Variants in ACTR3C observed in about 807,000 individuals in gnomAD.
ACTR3C encodes the protein actin related protein 3C, also known as actin-related protein 3C.
Under a neutral mutation model 26.3 loss-of-function variants are expected in ACTR3C, and 18 were observed. That is an observed-to-expected ratio of 0.68 (90% CI 0.47 to 1.01). The LOEUF (loss-of-function observed/expected upper bound fraction) is 1.01. ACTR3C is among the 50% of genes least tolerant of loss of function. The probability of loss-of-function intolerance (pLI) is 0.00; values close to 1 mark genes in which losing one functional copy is unlikely to be tolerated. For missense variants in ACTR3C, 184 were observed against 250.7 expected (o/e 0.73, Z 1.80); for synonymous variants, 55 against 94.5 (o/e 0.58, Z 2.42).
the ACTR3C span, among the ~76,000 whole-genome samples, chr7:150,094,621 T>C: frequency 6.6e-6 from 1 of 150,398 alleles, no homozygotes; most frequent in Non-Finnish European, 1.5e-5. Context: ...GAGGTTTGGG[T>C]TCCTCCAGCC....
At chr7:149,943,180 G>C in the ACTR3C span, among the ~76,000 whole-genome samples, 1 of 133,916 alleles carries the variant, frequency 7.5e-6, no homozygotes, top group African/African-American at 3.5e-5. Flanking sequence ...TATTGCTTCA[G>C]GTAAAAGGAG....
the ACTR3C span, among the ~76,000 whole-genome samples, chr7:150,035,848 C>A: frequency 6.9e-5 from 9 of 131,162 alleles, no homozygotes; most frequent in South Asian, 7.2e-4. Context: ...GCCTCTCCCC[C>A]CCTGCGATGG....
At chr7:149,906,617 A>T in the ACTR3C span, among the ~76,000 whole-genome samples, 1 of 147,246 alleles carries the variant, frequency 6.8e-6, no homozygotes, top group Non-Finnish European at 1.5e-5. Context: ...TTTTTAGTAG[A>T]GATGGGGTGT....
rs532933592 is a variant in ACTR3C at position 150,276,280 on chromosome 7, C to T, written c.564+8473G>A. On this transcript the variant is annotated intron_variant, in intron 6 of 7. Transcript: ENST00000683684. ...CTCTTAACTCCATTTAACAGACACA[C>T]AGTGCCACCTATCAGCCATCCTCTG... 5.9e-5 allele frequency among the ~76,000 whole-genome samples: 9 copies of T among 152,270 alleles called. No homozygotes were observed. The South Asian group carries it at 1.9e-3, about 32-fold the overall frequency.
chr7:150,317,219 T>C (rs1161211212), intron 1 of ACTR3C, among the ~76,000 whole-genome samples: 1 of 152,066 alleles, frequency 6.6e-6, no homozygotes, highest in Non-Finnish European at 1.5e-5. Flanking sequence ...CGGCTAATTT[T>C]TTGTATTTTT....
intron 3 of ACTR3C, 104 bp from the exon 4 acceptor site, chr7:150,289,697 C>A (rs1173356657): frequency 1.9e-5 from 29 of 1,550,188 alleles, no homozygotes; most frequent in Non-Finnish European, 2.4e-5. Flanking sequence ...CTGCCCCTCA[C>A]GGCACTGACA....
chr7:149,930,930 A>AT, the ACTR3C span, among the ~76,000 whole-genome samples: 3 of 152,092 alleles, frequency 2.0e-5, no homozygotes, highest in Non-Finnish European at 4.4e-5. Flanking sequence ...TAGTGATGCA[A>AT]TCTCAGCTCA....
At chr7:149,887,849 G>A in the ACTR3C span, among the ~76,000 whole-genome samples, 1 of 152,178 alleles carries the variant, frequency 6.6e-6, no homozygotes, top group African/African-American at 2.4e-5. Flanking sequence ...TAGTGAATAC[G>A]TCTCAAGAGA....
intron 6 of ACTR3C, among the ~76,000 whole-genome samples, chr7:150,254,639 C>T (rs2129609544): frequency 6.6e-6 from 1 of 152,200 alleles, no homozygotes; most frequent in Non-Finnish European, 1.5e-5. Flanking sequence ...CTTCTTTACC[C>T]CTCCCTTATT....
the ACTR3C span, chr7:150,045,050 T>C: frequency 3.9e-5 from 6 of 152,228 alleles, no homozygotes; most frequent in Non-Finnish European, 5.9e-5. Flanking sequence ...CTTGAGGTTG[T>C]CAGCAGGTGC....
intron 1 of ACTR3C, among the ~76,000 whole-genome samples, chr7:150,316,480 G>GTTT (rs1563212991): frequency 6.8e-5 from 9 of 131,732 alleles, no homozygotes; most frequent in Non-Finnish European, 4.7e-5. Context: ...TTAGAATCTG[G>GTTT]TTATTTTTTT....
the ACTR3C span, among the ~76,000 whole-genome samples, chr7:150,029,614 T>C: frequency 1.3e-5 from 2 of 152,008 alleles, no homozygotes; most frequent in Non-Finnish European, 2.9e-5. Flanking sequence ...TCTCCTTCTT[T>C]CCAGCAACAT....
chr7:149,978,785 G>T, the ACTR3C span, among the ~76,000 whole-genome samples: 1 of 152,074 alleles, frequency 6.6e-6, no homozygotes, highest in Non-Finnish European at 1.5e-5. Flanking sequence ...CAGCCCTGAT[G>T]TTTACCAGCA....
the ACTR3C span, among the ~76,000 whole-genome samples, chr7:150,034,374 G>C: frequency 1.8e-4 from 28 of 151,672 alleles, no homozygotes; most frequent in Non-Finnish European, 1.6e-4. Context: ...AAAAGGCTTT[G>C]TCAGATCGGG....
chr7:149,931,281 G>T, the ACTR3C span, among the ~76,000 whole-genome samples: 4 of 152,216 alleles, frequency 2.6e-5, no homozygotes, highest in African/African-American at 9.6e-5. Context: ...TTCGGGGGAG[G>T]ATTGTTTCTG....
chr7:150,287,499 C>G (rs1050253390), intron 4 of ACTR3C, among the ~76,000 whole-genome samples: 1 of 152,042 alleles, frequency 6.6e-6, no homozygotes, highest in Non-Finnish European at 1.5e-5. Context: ...GATATGTGTC[C>G]TTAGAGCTGG....
chr7:150,243,150 T>C (rs1007009240), downstream of ACTR3C, among the ~76,000 whole-genome samples: 2 of 152,230 alleles, frequency 1.3e-5, no homozygotes, highest in African/African-American at 4.8e-5. Context: ...TCGTGATTAG[T>C]AAACGTGGTA....
the ACTR3C span, among the ~76,000 whole-genome samples, chr7:150,082,935 TTTTTTTTTTTTC>T: frequency 0.01 from 1,230 of 122,746 alleles, 21 homozygotes; most frequent in South Asian, 0.041. Flanking sequence ...CTTTTTTTTC[TTTTTTTTTTTTC>T]TTTTTTTTTT....
the ACTR3C span, among the ~76,000 whole-genome samples, chr7:149,947,712 C>T: frequency 1.4e-5 from 2 of 138,862 alleles, no homozygotes; most frequent in African/African-American, 6.3e-5. Flanking sequence ...AGCCTGTGTT[C>T]CTTCACTGTA....
Sources: gnomAD v4.1 joint callset for allele counts (sites outside exome capture counted in the v4.1 genomes callset) on GRCh38, gnomAD v4.1.1 for gene constraint, MANE v1.5 for transcripts, NCBI Gene and HGNC (gene_info 2026-07-23, HGNC 2026-07-21) for gene names.